FARP2: variants seen among roughly 807,000 people sequenced by gnomAD.
FARP2 encodes FERM, ARH/RhoGEF and pleckstrin domain protein 2.
In FARP2, 111 loss-of-function variants were observed where a neutral mutation model predicts 130.5. The observed-to-expected ratio is 0.85, with a 90% CI of 0.73 to 1.00. The LOEUF is 1.00. Ranked by LOEUF, FARP2 falls within the 50% of genes least tolerant of loss-of-function variation. The pLI, the probability that FARP2 is intolerant of heterozygous loss-of-function variation, is 0.00. For missense variants in FARP2, 1,385 were observed against 1,346.3 expected (o/e 1.03, Z -0.45); for synonymous variants, 504 against 516.9 (o/e 0.98, Z 0.34).
intron 13 of FARP2, among the ~76,000 whole-genome samples, chr2:241,451,459 GTC>G (rs2063655394): frequency 6.6e-6 from 1 of 152,184 alleles, no homozygotes; most frequent in South Asian, 2.1e-4. Context: ...GGCAATTGAA[GTC>G]TTGTCTATGG....
At position 241,393,166 on chromosome 2, in the gene FARP2, C is replaced by T. The variant is rs546976502; in HGVS notation, c.184-10662C>T. Among the ~76,000 whole-genome samples the T allele has an allele frequency of 1.1e-4, 17 of 151,870 alleles. 2 individuals are homozygous for T. The South Asian group carries it at 3.3e-3, about 30-fold the overall frequency. ...TTCTGAGTAGCTGGGACTACAGGCA[C>T]CTGCCACCACACCCGGCTAATTTTT... On this transcript the variant is annotated intron_variant, in intron 2 of 26. Transcript: ENST00000264042.
chr2:241,457,162 CCTT>C (rs1214505249), intron 14 of FARP2, among the ~76,000 whole-genome samples: 1 of 152,228 alleles, frequency 6.6e-6, no homozygotes, highest in African/African-American at 2.4e-5. Context: ...AAACGAGTTT[CCTT>C]ATTCATTTAG....
intron 2 of FARP2, among the ~76,000 whole-genome samples, chr2:241,394,284 C>G (rs929289758): frequency 6.6e-6 from 1 of 151,988 alleles, no homozygotes; most frequent in Non-Finnish European, 1.5e-5. Context: ...TTTGGGAGGC[C>G]GAGGCAGGCT....
In FARP2 at chr2:241,366,109, A is replaced by ATATATATACACG. The variant is rs1553705648; in HGVS notation, c.-24-6967_-24-6966insCACGTATATATA. The stretch of plus-strand genomic sequence containing the variant: ...ATCACTACTAAAAAAAAAAAAATAT[A>ATATATATACACG]TATATATATATACGTATATATATAT... On this transcript the variant is annotated intron_variant, in intron 1 of 26. Transcript: ENST00000264042. 5.6e-3 allele frequency among the ~76,000 whole-genome samples: 95 copies of ATATATATACACG among 16,996 alleles called. 1 individual carries two copies. Among genetic ancestry groups the ATATATATACACG allele is most frequent in the African/African-American group, 0.018 (90 of 4,980 alleles). The allele number at this position is 16,996 out of a possible 152,430, so 11.2% of individuals were successfully genotyped here. A position where few individuals can be genotyped will look rare whatever the true frequency, so the allele number is the denominator to read the frequency against.
intron 2 of FARP2, among the ~76,000 whole-genome samples, chr2:241,401,077 G>A (rs2062154655): frequency 6.6e-6 from 1 of 152,208 alleles, no homozygotes; most frequent in Non-Finnish European, 1.5e-5. Context: ...GAAATTGTAT[G>A]TACAATGTCA....
intron 8 of FARP2, 98 bp downstream of exon 8, chr2:241,418,207 T>G: frequency 7.5e-7 from 1 of 1,339,316 alleles, no homozygotes; most frequent in Non-Finnish European, 1.1e-6. Context: ...ATATTTGTCC[T>G]GATGAGTACG....
At chr2:241,405,755 G>A (rs1574752504) in intron 4 of FARP2, among the ~76,000 whole-genome samples, 3 of 152,122 alleles carry the variant, frequency 2.0e-5, no homozygotes, top group South Asian at 4.1e-4. Context: ...CCAACATGGT[G>A]AAACCCTGTC....
At chr2:241,431,429 TG>T (rs57587245) in intron 8 of FARP2, among the ~76,000 whole-genome samples, 152,234 of 152,236 alleles carry the variant, frequency 1, 76,116 homozygotes, top group Middle Eastern at 1. Context: ...GAGCGGAGAT[TG>T]GTACCACTGC....
chr2:241,419,378 A>G (rs1371336504), intron 8 of FARP2, among the ~76,000 whole-genome samples: 1 of 152,180 alleles, frequency 6.6e-6, no homozygotes, highest in African/African-American at 2.4e-5. Flanking sequence ...AAACTGAGCC[A>G]TTGCCACATT....
At chr2:241,387,725 G>A (rs1222707395) in intron 2 of FARP2, among the ~76,000 whole-genome samples, 2 of 151,086 alleles carry the variant, frequency 1.3e-5, no homozygotes, top group Middle Eastern at 3.2e-3. Context: ...CCCGGGAGGC[G>A]GAGCTTGCAG....
intron 17 of FARP2, chr2:241,465,434 G>T: frequency 6.5e-7 from 1 of 1,541,202 alleles, no homozygotes; most frequent in Non-Finnish European, 8.8e-7. Context: ...CACCTTGGCT[G>T]CTAGGCTCAT....
In FARP2 at chr2:241,437,652, T is replaced by TA. The variant is rs2063268517; in HGVS notation, c.1158+1114_1158+1115insA. 4.3e-5 allele frequency among the ~76,000 whole-genome samples: 6 copies of TA among 140,736 alleles called. No individual in the cohort carries two copies. The Admixed American group carries it at 4.8e-4, about 11-fold the overall frequency. 92.3% of individuals were successfully genotyped at this position (140,736 alleles called of 152,430 possible). A position where few individuals can be genotyped will look rare whatever the true frequency, so the allele number is the denominator to read the frequency against. On this transcript the variant is annotated intron_variant, in intron 12 of 26. Coordinates refer to ENST00000264042, the MANE Select transcript of FARP2 (RefSeq NM_014808.4). The stretch of plus-strand genomic sequence containing the variant: ...CGCTGACATATACATATATATATAT[T>TA]TATTTATTTATTTATTTATTTTTTT...
chr2:241,405,509 C>T (rs922298900), intron 4 of FARP2: 7 of 152,036 alleles, frequency 4.6e-5, no homozygotes, highest in African/African-American at 1.7e-4. Flanking sequence ...TGAAGAAAAA[C>T]GTGTAGAAAT....
intron 2 of FARP2, among the ~76,000 whole-genome samples, chr2:241,401,619 T>G (rs559187947): frequency 6.6e-5 from 10 of 152,286 alleles, no homozygotes; most frequent in African/African-American, 2.4e-4. Flanking sequence ...TCCCTCAGGT[T>G]GCTGAGTTCA....
At chr2:241,490,936 C>A (rs760927842) in intron 22 of FARP2, 125 bp from the exon 23 acceptor site, 672 of 744,284 alleles carry the variant, frequency 9.0e-4, no homozygotes, top group Non-Finnish European at 1.4e-3. Context: ...TTTCCCAGTC[C>A]TCTCACCAGG....
chr2:241,480,103 G>A (rs2064576685), intron 19 of FARP2, among the ~76,000 whole-genome samples: 1 of 152,184 alleles, frequency 6.6e-6, no homozygotes, highest in Non-Finnish European at 1.5e-5. Context: ...GACCTGGGGT[G>A]CAGGGCATGC....
chr2:241,426,634 G>A (rs1415062565), intron 8 of FARP2, among the ~76,000 whole-genome samples: 1 of 152,220 alleles, frequency 6.6e-6, no homozygotes, highest in Non-Finnish European at 1.5e-5. Context: ...TCTGTCTGAG[G>A]AAGAGGACTT....
At chr2:241,439,990 C>T (rs572249555) in intron 12 of FARP2, among the ~76,000 whole-genome samples, 3 of 152,118 alleles carry the variant, frequency 2.0e-5, no homozygotes, top group Admixed American at 6.5e-5. Context: ...AAAACCTTTA[C>T]GCTTTCAATT....
chr2:241,459,454 C>G lies in FARP2; in HGVS notation c.1587+2532C>G, dbSNP rs149458415. Among the ~76,000 whole-genome samples, 812 of 152,312 alleles carry G rather than the reference C, an allele frequency of 5.3e-3. 13 individuals are homozygous for G. Among genetic ancestry groups the G allele is most frequent in the African/African-American group, 0.018 (759 of 41,584 alleles). On this transcript the variant is annotated intron_variant, in intron 14 of 26. Coordinates refer to ENST00000264042, the MANE Select transcript of FARP2 (RefSeq NM_014808.4). This position sits in a 1 kb window ranked among gnomAD's most constrained non-coding sequence, Gnocchi z 5.3. ...GGAGGGGCAAAGAGCTGCCCACCCTCCAGCCCACCCTCGCCAGCTGGTGCC... is the reference window on the plus strand; with the variant it reads ...GGAGGGGCAAAGAGCTGCCCACCCTGCAGCCCACCCTCGCCAGCTGGTGCC...
Sources: allele counts gnomAD v4.1 joint callset (sites outside exome capture counted in the v4.1 genomes callset), GRCh38; gene constraint gnomAD v4.1.1; non-coding constraint Gnocchi (gnomAD v3.1); transcripts MANE v1.5; gene names NCBI Gene and HGNC (gene_info 2026-07-23, HGNC 2026-07-21).